The following PCDHA4 variants were observed in gnomAD, a reference collection of about 807,000 sequenced individuals.
PCDHA4 encodes the protein protocadherin alpha 4.
In PCDHA4, 49 loss-of-function variants were observed where a neutral mutation model predicts 61.4. That is an observed-to-expected ratio of 0.80 (90% CI 0.63 to 1.01). The LOEUF is 1.01. Ranked by LOEUF, PCDHA4 falls within the 50% of genes least tolerant of loss-of-function variation. PCDHA4 has a pLI of 0.00. For synonymous variants in PCDHA4, 590 were observed against 550.3 expected, an observed-to-expected ratio of 1.07 and a Z score of -1.01; for missense variants, 1,254 against 1,235.8, an observed-to-expected ratio of 1.01 and a Z score of -0.22.
At chr5:140,859,226 A>G (rs190980812) in intron 1 of PCDHA4, 1 of 149,940 alleles carries the variant, frequency 6.7e-6, no homozygotes, top group East Asian at 1.9e-4. Flanking sequence ...ACTTTAAGGA[A>G]GGAGTCATGC....
chr5:140,967,786 G>A, intron 1 of PCDHA4: 1 of 1,614,216 alleles, frequency 6.2e-7, no homozygotes, highest in East Asian at 2.2e-5. Context: ...CGACTGACCG[G>A]GGTCCAGTGC....
chr5:141,010,073 T>C lies in PCDHA4; in HGVS notation c.*136T>C. On this transcript the variant is annotated 3_prime_UTR_variant, in exon 4 of 4. Coordinates refer to ENST00000530339, the MANE Select transcript of PCDHA4 (RefSeq NM_018907.4). ...CCTCAGAAATCTGCAGAAAGTTCCC[T>C]GTGTCTGTCTAGAACGCATTTAACA... 6.2e-7 allele frequency: 1 copy of C among 1,606,602 alleles called. No individual in the cohort carries two copies. The highest frequency in any genetic ancestry group is 1.7e-5 in the Admixed American group (1 of 59,096).
chr5:140,967,698 A>T, intron 1 of PCDHA4: 1 of 1,614,174 alleles, frequency 6.2e-7, no homozygotes, highest in Non-Finnish European at 8.5e-7. Context: ...TTCAGCATAG[A>T]TGCCAGTACC....
At chr5:140,820,841 T>C (rs11167609) in intron 1 of PCDHA4, among the ~76,000 whole-genome samples, 1 of 151,748 alleles carries the variant, frequency 6.6e-6, no homozygotes, top group Non-Finnish European at 1.5e-5. Flanking sequence ...TAATAGCAAC[T>C]TGAAGAAATG....
At chr5:140,890,374 A>G (rs1045149611) in intron 1 of PCDHA4, among the ~76,000 whole-genome samples, 1 of 152,000 alleles carries the variant, frequency 6.6e-6, no homozygotes, top group South Asian at 2.1e-4. Context: ...CTGAACAAGT[A>G]CTCTTTCTTA....
intron 1 of PCDHA4, among the ~76,000 whole-genome samples, chr5:140,959,390 A>G (rs1554224055): frequency 6.6e-6 from 1 of 152,146 alleles, no homozygotes; most frequent in African/African-American, 2.4e-5. Context: ...AAAAGTCACA[A>G]ATTAAGATAA....
At chr5:140,857,532 AGCGGCG>A (rs1230491450) in intron 1 of PCDHA4, 2 of 1,597,258 alleles carry the variant, frequency 1.3e-6, no homozygotes, top group African/African-American at 2.7e-5. Flanking sequence ...TCTCTGGTGG[AGCGGCG>A]GTTGGGCGAG....
chr5:140,950,107 A>G (rs1196740444), intron 1 of PCDHA4, among the ~76,000 whole-genome samples: 1 of 151,920 alleles, frequency 6.6e-6, no homozygotes, highest in Non-Finnish European at 1.5e-5. Context: ...ATTAAATCTC[A>G]TACAATACAA....
At chr5:140,927,638 G>C (rs781909639) in intron 1 of PCDHA4, 1 of 1,614,024 alleles carries the variant, frequency 6.2e-7, no homozygotes, top group Admixed American at 1.7e-5. Flanking sequence ...GCACCCAATG[G>C]GACTGTGTTA....
intron 1 of PCDHA4, among the ~76,000 whole-genome samples, chr5:140,937,039 CTTTT>C (rs34994034): frequency 1.4e-5 from 2 of 140,156 alleles, no homozygotes; most frequent in African/African-American, 2.6e-5. Flanking sequence ...TTCCATTTAT[CTTTT>C]TTTTTTTTTT....
rs150390468 is a variant in PCDHA4 at position 140,876,777 on chromosome 5, G to A, written c.2385+67205G>A. The A allele has an allele frequency of 2.3e-3, 3,781 of 1,614,244 alleles. 8 individuals carry two copies. Among genetic ancestry groups the A allele is most frequent in the Non-Finnish European group, 3.0e-3 (3,507 of 1,180,036 alleles). On this transcript the variant is annotated intron_variant, in intron 1 of 3. Coordinates refer to ENST00000530339, the MANE Select transcript of PCDHA4 (RefSeq NM_018907.4). ...CGCGGGATGGGGGCTCGCCTTCGCT[G>A]TGGGCCACGGCTAGAGTGTCCGTGG...
At chr5:140,950,083 T>C (rs1361884165) in intron 1 of PCDHA4, among the ~76,000 whole-genome samples, 1 of 152,002 alleles carries the variant, frequency 6.6e-6, no homozygotes, top group Non-Finnish European at 1.5e-5. Context: ...GCTTATGCTA[T>C]AGTTTTCATT....
rs2150133814 is a variant in PCDHA4 at position 140,824,269 on chromosome 5, A to G, written c.2385+14697A>G. 4 of 1,222,710 alleles carry G rather than the reference A, an allele frequency of 3.3e-6. No homozygotes were observed. The South Asian group carries it at 5.6e-5, about 17-fold the overall frequency. The allele number at this position is 1,222,710 out of a possible 1,614,324, so 75.7% of individuals were successfully genotyped here. On this transcript the variant is annotated intron_variant, in intron 1 of 3. Coordinates refer to ENST00000530339, the MANE Select transcript of PCDHA4 (RefSeq NM_018907.4). ...ACACAATTATTGCACTAATTCATGT[A>G]TTATATGCTTTTTATGAGGCTTTTC...
chr5:140,828,973 C>T (rs2150161482), intron 1 of PCDHA4: 4 of 1,614,140 alleles, frequency 2.5e-6, no homozygotes, highest in East Asian at 4.5e-5. Flanking sequence ...ACCACTTTAG[C>T]ATAGATCGAA....
chr5:140,901,352 G>T (rs1426715966), intron 1 of PCDHA4, among the ~76,000 whole-genome samples: 2 of 152,138 alleles, frequency 1.3e-5, no homozygotes, highest in East Asian at 3.8e-4. Flanking sequence ...TGATGTCTTA[G>T]ATTTAAGTCT....
chr5:141,007,498 G>A (rs936217793), intron 3 of PCDHA4, among the ~76,000 whole-genome samples: 1 of 151,942 alleles, frequency 6.6e-6, no homozygotes. Flanking sequence ...GACCTAGGAG[G>A]CAGAGACTGC....
chr5:140,919,201 A>AT (rs1328020690), intron 1 of PCDHA4, among the ~76,000 whole-genome samples: 1 of 152,202 alleles, frequency 6.6e-6, no homozygotes. Flanking sequence ...TTTTGTCATT[A>AT]TAAAATGTCC....
At chr5:140,877,317 G>A (rs535177109) in intron 1 of PCDHA4, 1 of 1,613,886 alleles carries the variant, frequency 6.2e-7, no homozygotes. Context: ...AACCGGCGGC[G>A]GTCGGCGCGC....
chr5:140,836,804 T>A, intron 1 of PCDHA4: 12 of 1,321,042 alleles, frequency 9.1e-6, no homozygotes, highest in Non-Finnish European at 9.3e-6. Context: ...CTCCTTAAAT[T>A]TTCTTTCATA....
Sources: allele counts gnomAD v4.1 joint callset (sites outside exome capture counted in the v4.1 genomes callset), GRCh38; gene constraint gnomAD v4.1.1; transcripts MANE v1.5; gene names NCBI Gene and HGNC (gene_info 2026-07-23, HGNC 2026-07-21).